RALA: variants seen among roughly 807,000 people sequenced by gnomAD.
The protein encoded by RALA is ras-related protein Ral-A.
A neutral mutation model predicts 24.0 loss-of-function variants in RALA; 5 were observed. The observed-to-expected ratio is 0.21, with a 90% confidence interval of 0.11 to 0.44. The LOEUF (loss-of-function observed/expected upper bound fraction) is 0.44, where lower values mean the gene tolerates loss of function less well. RALA is among the 20% of genes least tolerant of loss of function. The pLI is 0.99. For missense variants in RALA, 95 were observed against 241.2 expected (o/e 0.39, Z 4.01); for synonymous variants, 77 against 83.8 (o/e 0.92, Z 0.44).
intron 3 of RALA, 101 bp downstream of exon 3, chr7:39,690,691 C>T: frequency 1.1e-6 from 1 of 894,908 alleles, no homozygotes; most frequent in East Asian, 2.7e-5. Context: ...TAGTCTTTTA[C>T]TCTGTCTCTA....
intron 1 of RALA, among the ~76,000 whole-genome samples, chr7:39,667,546 C>G (rs1792306731): frequency 6.6e-6 from 1 of 152,204 alleles, no homozygotes; most frequent in African/African-American, 2.4e-5. Flanking sequence ...GGGGGAATCT[C>G]TTCTTCCCCA....
intron 3 of RALA, among the ~76,000 whole-genome samples, chr7:39,695,067 GAAAAA>G (rs895982043): frequency 1.6e-5 from 2 of 128,248 alleles, no homozygotes; most frequent in Admixed American, 1.6e-4. Flanking sequence ...TCAAAAAAAA[GAAAAA>G]AAAAAAAAGT....
chr7:39,673,109 G>A (rs1792418351), intron 1 of RALA, among the ~76,000 whole-genome samples: 1 of 152,112 alleles, frequency 6.6e-6, no homozygotes, highest in African/African-American at 2.4e-5. Context: ...GATTGCTTGA[G>A]CTTGAGAGAC....
intron 3 of RALA, 113 bp from the exon 4 acceptor site, chr7:39,696,572 G>A: frequency 1.3e-6 from 1 of 782,736 alleles, no homozygotes; most frequent in Non-Finnish European, 2.0e-6. Flanking sequence ...ATTGTGATTT[G>A]TGTACCACAG....
chr7:39,665,281 T>G (rs1271535063), intron 1 of RALA, among the ~76,000 whole-genome samples: 1 of 152,180 alleles, frequency 6.6e-6, no homozygotes, highest in African/African-American at 2.4e-5. Flanking sequence ...CCACTTTCAC[T>G]TAATGACTAG....
chr7:39,649,939 G>A (rs1476653009), intron 1 of RALA, among the ~76,000 whole-genome samples: 1 of 152,232 alleles, frequency 6.6e-6, no homozygotes, highest in African/African-American at 2.4e-5. Flanking sequence ...AAAATTGACT[G>A]TTGGATTTAG....
chr7:39,702,071 G>A (rs1278452082), intron 4 of RALA, among the ~76,000 whole-genome samples: 6 of 152,160 alleles, frequency 3.9e-5, no homozygotes, highest in Non-Finnish European at 7.3e-5. Context: ...GTTTTATGTC[G>A]AGGGAAGAAT....
At chr7:39,697,374 C>G (rs1461212424) in intron 4 of RALA, 1 of 456,624 alleles carries the variant, frequency 2.2e-6, no homozygotes, top group East Asian at 6.9e-5. Context: ...AGTAAACACT[C>G]TGCCCTCCTT....
intron 4 of RALA, among the ~76,000 whole-genome samples, chr7:39,697,998 T>A (rs972656050): frequency 2.0e-5 from 3 of 151,880 alleles, no homozygotes; most frequent in African/African-American, 7.3e-5. Context: ...TGTGTTTTGC[T>A]TAAATAACAA....
At chr7:39,627,942 C>G (rs1203993218) in intron 1 of RALA, among the ~76,000 whole-genome samples, 1 of 151,532 alleles carries the variant, frequency 6.6e-6, no homozygotes, top group East Asian at 1.9e-4. Flanking sequence ...TGCTCCTTAC[C>G]TAACTCTCTT....
intron 1 of RALA, among the ~76,000 whole-genome samples, chr7:39,644,970 G>A (rs989786747): frequency 2.6e-5 from 4 of 152,136 alleles, no homozygotes; most frequent in Non-Finnish European, 5.9e-5. Flanking sequence ...TGACAGATTT[G>A]TGCAAATTTG....
chr7:39,656,658 T>C (rs2115983156), intron 1 of RALA, among the ~76,000 whole-genome samples: 1 of 152,354 alleles, frequency 6.6e-6, no homozygotes, highest in South Asian at 2.1e-4. Flanking sequence ...TTGTGGCTAA[T>C]CCTGAAGGAA....
intron 1 of RALA, among the ~76,000 whole-genome samples, chr7:39,683,277 A>T (rs1241957394): frequency 2.0e-5 from 3 of 152,040 alleles, no homozygotes; most frequent in South Asian, 4.2e-4. Flanking sequence ...TTCCTAGAAC[A>T]TGCTCCCCAC....
At chr7:39,678,054 G>C (rs1216833166) in intron 1 of RALA, among the ~76,000 whole-genome samples, 1 of 131,194 alleles carries the variant, frequency 7.6e-6, no homozygotes, top group Non-Finnish European at 1.6e-5. Flanking sequence ...GGGGTCGGGG[G>C]AGGGGGGAGG....
intron 1 of RALA, among the ~76,000 whole-genome samples, chr7:39,671,552 T>C (rs1583734535): frequency 6.6e-6 from 1 of 152,358 alleles, no homozygotes; most frequent in Non-Finnish European, 1.5e-5. Context: ...TTACATATGC[T>C]GTTTTATTAA....
intron 1 of RALA, among the ~76,000 whole-genome samples, chr7:39,632,264 T>G (rs1052381296): frequency 2.0e-5 from 3 of 152,338 alleles, no homozygotes; most frequent in Non-Finnish European, 4.4e-5. Context: ...GATATACTAT[T>G]GTGTCATCTG....
intron 1 of RALA, among the ~76,000 whole-genome samples, chr7:39,663,738 G>C (rs954262804): frequency 6.6e-6 from 1 of 152,062 alleles, no homozygotes; most frequent in African/African-American, 2.4e-5. Context: ...TGAAAATTCA[G>C]CTTTTATGAG....
intron 4 of RALA, among the ~76,000 whole-genome samples, chr7:39,701,841 C>T (rs1793033386): frequency 6.6e-6 from 1 of 152,230 alleles, no homozygotes; most frequent in Non-Finnish European, 1.5e-5. Context: ...AGAGGAATCA[C>T]TCCGAGGCTA....
chr7:39,688,109 C>T (rs1038869522), intron 2 of RALA, among the ~76,000 whole-genome samples: 1 of 152,034 alleles, frequency 6.6e-6, no homozygotes, highest in African/African-American at 2.4e-5. Flanking sequence ...ATACATAAAA[C>T]CCTTAAATCT....
Sources: allele counts gnomAD v4.1 joint callset (sites outside exome capture counted in the v4.1 genomes callset), GRCh38; gene constraint gnomAD v4.1.1; transcripts MANE v1.5; gene names NCBI Gene and HGNC (gene_info 2026-07-23, HGNC 2026-07-21).